The following BCKDHB variants were observed in gnomAD, a reference collection of about 807,000 sequenced individuals.
BCKDHB encodes the protein 2-oxoisovalerate dehydrogenase subunit beta, mitochondrial.
BCKDHB carries 41 observed loss-of-function variants against 48.5 expected under a neutral mutation model. The observed-to-expected ratio is 0.85, with a 90% CI of 0.66 to 1.10. The LOEUF is 1.10. Among genes scored for constraint, BCKDHB ranks in the 50% least tolerant of loss-of-function variants. The probability of loss-of-function intolerance (pLI) is 0.00; values close to 1 mark genes in which losing one functional copy is unlikely to be tolerated. For missense variants in BCKDHB, 496 were observed against 494.2 expected (o/e 1.00, Z -0.03); for synonymous variants, 201 against 174.8 (o/e 1.15, Z -1.18).
At chr6:80,340,610 A>G (rs1228756919) in intron 9 of BCKDHB, among the ~76,000 whole-genome samples, 1 of 152,214 alleles carries the variant, frequency 6.6e-6, no homozygotes, top group Non-Finnish European at 1.5e-5. Flanking sequence ...AAGTCATCAA[A>G]TATGGTTTTT....
At chr6:80,271,368 C>T (rs1777734285) in intron 8 of BCKDHB, among the ~76,000 whole-genome samples, 1 of 152,100 alleles carries the variant, frequency 6.6e-6, no homozygotes, top group Non-Finnish European at 1.5e-5. Context: ...ATTTTATCTG[C>T]TTACAAATCA....
chr6:80,454,573 C>T, the BCKDHB span, among the ~76,000 whole-genome samples: 1 of 152,192 alleles, frequency 6.6e-6, no homozygotes. Flanking sequence ...TGATACATCT[C>T]TTAAATAGTC....
chr6:80,148,224 T>C (rs1771580533), intron 3 of BCKDHB, among the ~76,000 whole-genome samples: 1 of 152,228 alleles, frequency 6.6e-6, no homozygotes, highest in Non-Finnish European at 1.5e-5. Context: ...GTCTTCATGA[T>C]ACTTTCTGGC....
chr6:80,315,030 G>T (rs1462188009), intron 9 of BCKDHB, among the ~76,000 whole-genome samples: 1 of 152,208 alleles, frequency 6.6e-6, no homozygotes, highest in Non-Finnish European at 1.5e-5. Flanking sequence ...CTCTCAGGCA[G>T]CCTCCACACT....
the BCKDHB span, among the ~76,000 whole-genome samples, chr6:80,415,154 G>T: frequency 6.6e-6 from 1 of 152,218 alleles, no homozygotes; most frequent in East Asian, 1.9e-4. Context: ...AGCTGAAGGC[G>T]CTTTTGGGCC....
In BCKDHB at chr6:80,171,330, T is replaced by C; in HGVS notation, c.682T>C (p.Cys228Arg). Residue 228 changes from cysteine (C) to arginine (R), a missense_variant, in exon 6 of 10, where the codon TGC becomes CGC. Coordinates refer to ENST00000320393, the MANE Select transcript of BCKDHB (RefSeq NM_183050.4). Reference sequence around the variant, plus strand: ...CCAGGCCAAAGGACTTCTTTTGTCATGCATAGAGGATAAAAATCCTTGTAT... The same window carrying C: ...CCAGGCCAAAGGACTTCTTTTGTCACGCATAGAGGATAAAAATCCTTGTAT... ...PFQAKGLLLSCIEDKNPCIFF... is the reference protein window; with the variant it reads ...PFQAKGLLLSRIEDKNPCIFF... 1 of 1,608,992 alleles carries C rather than the reference T, an allele frequency of 6.2e-7. No homozygotes were observed. The highest frequency in any genetic ancestry group is 8.5e-7 in the Non-Finnish European group (1 of 1,177,922).
chr6:80,328,431 T>G (rs750918039), intron 9 of BCKDHB, among the ~76,000 whole-genome samples: 4 of 152,210 alleles, frequency 2.6e-5, no homozygotes, highest in Non-Finnish European at 4.4e-5. Context: ...TAATACAATA[T>G]TAGCCCTAAA....
downstream of BCKDHB, among the ~76,000 whole-genome samples, chr6:80,349,006 G>C (rs1054517372): frequency 2.6e-5 from 4 of 152,092 alleles, no homozygotes; most frequent in African/African-American, 9.7e-5. Context: ...CAAGTAAAAA[G>C]GTGTATATCT....
At chr6:80,179,795 G>A (rs996480624) in intron 6 of BCKDHB, among the ~76,000 whole-genome samples, 1 of 152,150 alleles carries the variant, frequency 6.6e-6, no homozygotes, top group Non-Finnish European at 1.5e-5. Context: ...CAGGTAGGGG[G>A]TTTGGGAACC....
At chr6:80,313,137 C>T (rs1768252118) in intron 9 of BCKDHB, among the ~76,000 whole-genome samples, 1 of 152,084 alleles carries the variant, frequency 6.6e-6, no homozygotes, top group African/African-American at 2.4e-5. Flanking sequence ...GATTCAGTTT[C>T]TTCCTGGTTC....
At chr6:80,353,922 TG>T in the BCKDHB span, among the ~76,000 whole-genome samples, 1 of 152,254 alleles carries the variant, frequency 6.6e-6, no homozygotes, top group Non-Finnish European at 1.5e-5. Context: ...CATTTTAATT[TG>T]CATTTCTATG....
intron 3 of BCKDHB, among the ~76,000 whole-genome samples, chr6:80,142,938 A>C (rs1472829232): frequency 6.6e-6 from 1 of 152,152 alleles, no homozygotes; most frequent in Non-Finnish European, 1.5e-5. Flanking sequence ...CTGGGAGATT[A>C]TCAGTGTAAC....
chr6:80,182,019 AATTT>A (rs2127792271), intron 6 of BCKDHB, among the ~76,000 whole-genome samples: 1 of 152,276 alleles, frequency 6.6e-6, no homozygotes, highest in East Asian at 1.9e-4. Context: ...GTATATTATT[AATTT>A]ATTTCAGTTT....
chr6:80,166,826 A>G (rs577022734), intron 3 of BCKDHB, among the ~76,000 whole-genome samples: 2 of 152,278 alleles, frequency 1.3e-5, no homozygotes, highest in South Asian at 4.1e-4. Flanking sequence ...TTTCTGTTTA[A>G]TTGAAAAGGA....
At chr6:80,278,805 C>T (rs149571246) in intron 9 of BCKDHB, among the ~76,000 whole-genome samples, 10 of 152,126 alleles carry the variant, frequency 6.6e-5, no homozygotes, top group African/African-American at 2.4e-4. Context: ...GATCCACCGA[C>T]CTCGGCCTCC....
At chr6:80,392,663 C>T in the BCKDHB span, among the ~76,000 whole-genome samples, 4 of 151,386 alleles carry the variant, frequency 2.6e-5, no homozygotes, top group African/African-American at 4.8e-5. Context: ...TTTTTTGATG[C>T]TATAGCAAAT....
At position 80,184,803 on chromosome 6, in the gene BCKDHB, T is replaced by C. The variant is rs138891577; in HGVS notation, c.742+13413T>C. ...CTTGTAGGGTTTCTGCTGAGAAATC[T>C]GCTGTTAATCTGAGAGGTTTTCCTT... On this transcript the variant is annotated intron_variant, in intron 6 of 9. Coordinates refer to ENST00000320393, the MANE Select transcript of BCKDHB (RefSeq NM_183050.4). Among the ~76,000 whole-genome samples the C allele has an allele frequency of 1.7e-3, 265 of 152,348 alleles. 1 individual carries two copies. Among genetic ancestry groups the C allele is most frequent in the African/African-American group, 6.0e-3 (251 of 41,592 alleles).
At chr6:80,266,217 T>G (rs1300370095) in intron 8 of BCKDHB, among the ~76,000 whole-genome samples, 1 of 152,112 alleles carries the variant, frequency 6.6e-6, no homozygotes, top group Non-Finnish European at 1.5e-5. Context: ...AGAAACAGAT[T>G]GAGTTGAGAT....
intron 3 of BCKDHB, among the ~76,000 whole-genome samples, chr6:80,157,726 A>C (rs1772120315): frequency 6.6e-6 from 1 of 151,192 alleles, no homozygotes; most frequent in African/African-American, 2.4e-5. Flanking sequence ...TGATCCGCCC[A>C]CCTCGGCCTC....
Sources: allele counts gnomAD v4.1 joint callset (sites outside exome capture counted in the v4.1 genomes callset), GRCh38; gene constraint gnomAD v4.1.1; transcripts MANE v1.5; gene names NCBI Gene and HGNC (gene_info 2026-07-23, HGNC 2026-07-21).